The following ANK2 variants were observed in gnomAD, a reference collection of about 807,000 sequenced individuals.
ANK2 encodes ankyrin-2.
ANK2 carries 83 observed loss-of-function variants against 360.5 expected under a neutral mutation model. The observed-to-expected ratio is 0.23, with a 90% CI of 0.19 to 0.28. The LOEUF is 0.28. Among genes scored for constraint, ANK2 ranks in the 10% least tolerant of loss-of-function variants. ANK2 has a pLI of 1.00. For missense variants in ANK2, 4,201 were observed against 4,795.7 expected (o/e 0.88, Z 3.66); for synonymous variants, 1,740 against 1,759.5 (o/e 0.99, Z 0.28).
chr4:112,819,196 G>A (rs776356712), intron 1 of ANK2, among the ~76,000 whole-genome samples: 6 of 152,088 alleles, frequency 3.9e-5, no homozygotes, highest in African/African-American at 1.2e-4. Flanking sequence ...AAATGTGTGT[G>A]GTTGGAAGGA....
chr4:112,833,639 G>A (rs2060329135), intron 1 of ANK2, among the ~76,000 whole-genome samples: 2 of 152,018 alleles, frequency 1.3e-5, no homozygotes, highest in Non-Finnish European at 2.9e-5. Flanking sequence ...CAGTACCTGG[G>A]ACCACAGGCG....
the ANK2 span, among the ~76,000 whole-genome samples, chr4:112,786,247 T>TG: frequency 7.8e-6 from 1 of 127,494 alleles, no homozygotes; most frequent in Non-Finnish European, 1.7e-5. Flanking sequence ...AAAAAAAAAG[T>TG]AAAAAAAAAA....
chr4:113,060,790 A>G (rs2072907244), intron 1 of ANK2, among the ~76,000 whole-genome samples: 1 of 151,222 alleles, frequency 6.6e-6, no homozygotes, highest in African/African-American at 2.4e-5. Flanking sequence ...ATGCTTTCAG[A>G]ATATTCAAGC....
At chr4:113,378,139 TAGAGAATGAAATCCTGAA>T in intron 45 of ANK2, 1 of 1,281,784 alleles carries the variant, frequency 7.8e-7, no homozygotes, top group South Asian at 1.2e-5. Flanking sequence ...CCCAGTTTAG[TAGAGAATGAAATCCTGAA>T]AGAGGATGGA....
intron 1 of ANK2, among the ~76,000 whole-genome samples, chr4:112,853,824 T>C (rs2065644369): frequency 6.6e-6 from 1 of 152,216 alleles, no homozygotes; most frequent in African/African-American, 2.4e-5. Flanking sequence ...GGTTTGAGAA[T>C]TGTGGAGAGG....
intron 28 of ANK2, 33 bp downstream of exon 28, chr4:113,332,103 T>C (rs1370706347): frequency 6.5e-7 from 1 of 1,538,636 alleles, no homozygotes; most frequent in African/African-American, 1.4e-5. Flanking sequence ...TGATGGCTGC[T>C]GGCCCCCCAT....
chr4:112,951,399 A>G (rs1361219994), intron 2 of ANK2, among the ~76,000 whole-genome samples: 1 of 152,228 alleles, frequency 6.6e-6, no homozygotes, highest in African/African-American at 2.4e-5. Flanking sequence ...TATTTTGATA[A>G]CTAGCTGGTA....
At chr4:112,869,073 G>A (rs1055005602) in intron 1 of ANK2, among the ~76,000 whole-genome samples, 3 of 151,614 alleles carry the variant, frequency 2.0e-5, no homozygotes, top group South Asian at 2.1e-4. Flanking sequence ...CAACCCTCCC[G>A]CTTAGTTCCC....
chr4:113,339,867 A>G (rs1481214845), intron 32 of ANK2, among the ~76,000 whole-genome samples: 1 of 152,220 alleles, frequency 6.6e-6, no homozygotes, highest in East Asian at 1.9e-4. Flanking sequence ...ATTGATTGCT[A>G]AGCATTGTTA....
chr4:112,882,072 GGTT>G (rs1353077610), intron 1 of ANK2: 1 of 361,020 alleles, frequency 2.8e-6, no homozygotes, highest in African/African-American at 2.1e-5. Flanking sequence ...GGCTCTCATC[GGTT>G]GTTTCAAAGC....
In ANK2 at chr4:113,355,021, G is replaced by A; in HGVS notation, c.6403G>A (p.Asp2135Asn). Residue 2135 changes from aspartate (D) to asparagine (N), a missense_variant, in exon 38 of 46, where the codon GAC becomes AAC. Physicochemically the swap from Asp to Asn is conservative, Grantham distance 23. This residue lies in a region of ANK2 where 2,642 missense variants were observed against 2,714.5 expected (regional missense o/e 0.97). Coordinates refer to ENST00000357077, the MANE Select transcript of ANK2 (RefSeq NM_001148.6). ...CAGCCCAGATAGGAAAACCTCCACT[G>A]ACTTCTCTGAGGTCATTAAGCAAGA... is the stretch of plus-strand genomic sequence containing the variant. Reference protein sequence around the residue: ...QISPDRKTSTDFSEVIKQELE... With the variant: ...QISPDRKTSTNFSEVIKQELE... 6.2e-7 allele frequency: 1 copy of A among 1,614,034 alleles called. No individual in the cohort carries two copies. The highest frequency in any genetic ancestry group is 8.5e-7 in the Non-Finnish European group (1 of 1,179,984).
chr4:112,827,148 C>A (rs367946304), intron 1 of ANK2: 12 of 1,159,452 alleles, frequency 1.0e-5, no homozygotes, highest in Middle Eastern at 2.0e-4. Flanking sequence ...TGACTACTTA[C>A]AAGGCAAGTG....
chr4:112,788,297 C>A, the ANK2 span: 20,503 of 1,572,820 alleles, frequency 0.013, 936 homozygotes, highest in African/African-American at 0.13. Flanking sequence ...GCAGGTCTTC[C>A]TGTGGACGAG....
intron 24 of ANK2, 27 bp from the exon 25 acceptor site, chr4:113,317,680 T>C (rs1209676558): frequency 1.3e-6 from 2 of 1,568,298 alleles, no homozygotes; most frequent in Admixed American, 1.7e-5. Flanking sequence ...TGTTGGTATA[T>C]GCCATGGCCT....
At chr4:113,275,218 C>G (rs2059797208) in intron 15 of ANK2, among the ~76,000 whole-genome samples, 1 of 152,160 alleles carries the variant, frequency 6.6e-6, no homozygotes, top group Admixed American at 6.5e-5. Context: ...AATCACACTT[C>G]TTTAGTTGTT....
the ANK2 span, among the ~76,000 whole-genome samples, chr4:112,790,993 C>G: frequency 6.6e-6 from 1 of 152,114 alleles, no homozygotes; most frequent in Non-Finnish European, 1.5e-5. Context: ...AGACAGTGCT[C>G]AAAGGATATG....
chr4:113,029,708 G>A (rs200234404), intron 2 of ANK2, among the ~76,000 whole-genome samples: 1 of 151,886 alleles, frequency 6.6e-6, no homozygotes, highest in Non-Finnish European at 1.5e-5. Context: ...CGACCTATTC[G>A]TCTCTTCTTG....
Position 113,354,941 on chromosome 4 carries a change from G to A in ANK2, c.6323G>A (p.Ser2108Asn). Reference sequence around the variant, plus strand: ...CCTGAAGAAGAAAGCCACAGAGAGAGCGAAGTGCCCAAAGAAAAGATGGCT... The same window carrying A: ...CCTGAAGAAGAAAGCCACAGAGAGAACGAAGTGCCCAAAGAAAAGATGGCT... ...SVPEEESHRE[S>N]EVPKEKMADE... is the part of the protein sequence containing the mutation. Residue 2108 changes from serine to asparagine, a missense_variant, in exon 38 of 46, where the codon AGC (serine) becomes AAC (asparagine). Around this residue, in one of 4 missense-constraint regions of ANK2, gnomAD observed 2,642 missense variants for 2,714.5 expected, o/e 0.97. Transcript: ENST00000357077. The A allele has an allele frequency of 3.1e-6, 5 of 1,614,068 alleles. No homozygotes were observed. Among genetic ancestry groups the A allele is most frequent in the African/African-American group, 1.3e-5 (1 of 75,026 alleles).
At chr4:113,378,325 A>G in intron 45 of ANK2, 2 of 330,802 alleles carry the variant, frequency 6.0e-6, no homozygotes, top group Non-Finnish European at 1.2e-5. Flanking sequence ...ACTTTGGTCA[A>G]GTAATGGATC....
Sources: allele counts gnomAD v4.1 joint callset (sites outside exome capture counted in the v4.1 genomes callset), GRCh38; gene constraint gnomAD v4.1.1; regional missense constraint gnomAD v4.1.1; transcripts MANE v1.5; gene names NCBI Gene and HGNC (gene_info 2026-07-23, HGNC 2026-07-21).